Variants in ADAMTS9 observed in about 807,000 individuals in gnomAD.
ADAMTS9 encodes ADAM metallopeptidase with thrombospondin type 1 motif 9.
A neutral mutation model predicts 257.1 loss-of-function variants in ADAMTS9; 107 were observed. That is an observed-to-expected ratio of 0.42 (90% CI 0.36 to 0.49). The LOEUF (loss-of-function observed/expected upper bound fraction) is 0.49, where lower values mean the gene tolerates loss of function less well. ADAMTS9 is among the 20% of genes least tolerant of loss of function. The pLI is 0.03. For synonymous variants in ADAMTS9, 982 were observed against 880.9 expected, an observed-to-expected ratio of 1.11 and a Z score of -2.03; for missense variants, 2,353 against 2,469.1, an observed-to-expected ratio of 0.95 and a Z score of 1.00.
At chr3:64,528,766 C>T (rs965602680) in intron 38 of ADAMTS9, among the ~76,000 whole-genome samples, 1 of 152,146 alleles carries the variant, frequency 6.6e-6, no homozygotes, top group African/African-American at 2.4e-5. Context: ...AGTAGGATAC[C>T]AACAGCTTTA....
intron 30 of ADAMTS9, among the ~76,000 whole-genome samples, chr3:64,551,585 A>C (rs1576008328): frequency 6.6e-6 from 1 of 152,222 alleles, no homozygotes; most frequent in East Asian, 1.9e-4. Flanking sequence ...AAAGGAAGGA[A>C]GGAAAGTATA....
In ADAMTS9 at chr3:64,672,187, A is replaced by T. The variant is rs1012371021; in HGVS notation, c.679+9014T>A. On this transcript the variant is annotated intron_variant, in intron 3 of 39. Coordinates refer to ENST00000498707, the MANE Select transcript of ADAMTS9 (RefSeq NM_182920.2). The stretch of plus-strand genomic sequence containing the variant: ...AGATGTGCGTCTTAGCCAGTTTCAG[A>T]TGGTTCCTATGAAGGTGAACACATT... Among the ~76,000 whole-genome samples, 3 of 152,322 alleles carry T rather than the reference A, an allele frequency of 2.0e-5. No homozygotes were observed. In the East Asian group the frequency reaches 5.8e-4, roughly 29 times the overall value.
intron 19 of ADAMTS9, among the ~76,000 whole-genome samples, chr3:64,618,787 G>A (rs760495257): frequency 1.1e-4 from 16 of 151,970 alleles, no homozygotes; most frequent in Non-Finnish European, 2.2e-4. Flanking sequence ...GTAACTCCAC[G>A]TAAACCAATG....
At chr3:64,609,530 C>T (rs1335700018) in intron 22 of ADAMTS9, among the ~76,000 whole-genome samples, 1 of 151,856 alleles carries the variant, frequency 6.6e-6, no homozygotes, top group Non-Finnish European at 1.5e-5. Context: ...ATTCAATTTA[C>T]AGCAACATCC....
rs536280343 is a variant in ADAMTS9, at chr3:64,573,900, T to C, written c.4357-5365A>G. On this transcript the variant is annotated intron_variant, in intron 28 of 39. Transcript: ENST00000498707. Reference sequence around the variant, plus strand: ...GATTTAGTGATCAAAGTTTCAAACATTGCTCAGTGGAAGGCCTGGAAAACC... The same window carrying C: ...GATTTAGTGATCAAAGTTTCAAACACTGCTCAGTGGAAGGCCTGGAAAACC... Among the ~76,000 whole-genome samples the C allele has an allele frequency of 2.6e-5, 4 of 152,290 alleles. No homozygotes were observed. In the South Asian group the frequency reaches 6.2e-4, roughly 24 times the overall value.
At chr3:64,588,771 A>G (rs1246873863) in intron 28 of ADAMTS9, 3 of 152,234 alleles carry the variant, frequency 2.0e-5, no homozygotes, top group African/African-American at 7.2e-5. Context: ...TCAGTCTTTC[A>G]TAGGCATACA....
intron 38 of ADAMTS9, among the ~76,000 whole-genome samples, chr3:64,526,190 C>T (rs1049470958): frequency 2.0e-5 from 3 of 150,760 alleles, no homozygotes; most frequent in African/African-American, 7.3e-5. Flanking sequence ...ATGTTCCCAC[C>T]TCAAAGAAAA....
At chr3:64,619,133 T>C (rs998962776) in intron 19 of ADAMTS9, among the ~76,000 whole-genome samples, 3 of 152,198 alleles carry the variant, frequency 2.0e-5, no homozygotes, top group African/African-American at 7.2e-5. Flanking sequence ...TTCGCAATGC[T>C]ATGTATAAAT....
At chr3:64,653,154 A>AT (rs1470268457) in intron 8 of ADAMTS9, among the ~76,000 whole-genome samples, 2 of 152,208 alleles carry the variant, frequency 1.3e-5, no homozygotes, top group Non-Finnish European at 2.9e-5. Flanking sequence ...CATTTTGCAG[A>AT]TGAGAAAACT....
chr3:64,645,569 GC>G (rs1700767698), intron 11 of ADAMTS9, among the ~76,000 whole-genome samples: 1 of 152,132 alleles, frequency 6.6e-6, no homozygotes, highest in African/African-American at 2.4e-5. Flanking sequence ...AAGAAACAAA[GC>G]AAAACACTCA....
At chr3:64,677,469 C>A (rs1057465598) in intron 3 of ADAMTS9, among the ~76,000 whole-genome samples, 1 of 152,136 alleles carries the variant, frequency 6.6e-6, no homozygotes, top group Non-Finnish European at 1.5e-5. Context: ...ACAGAAAGCA[C>A]CCTCAGCCTT....
In ADAMTS9 at chr3:64,544,103, C is replaced by G. The variant is rs535872798; in HGVS notation, c.5065-2133G>C. 2.6e-5 allele frequency among the ~76,000 whole-genome samples: 4 copies of G among 152,082 alleles called. No homozygotes were observed. In the East Asian group the frequency reaches 7.7e-4, roughly 29 times the overall value. ...AGGAGAACTACAAACCACTGCTCAA[C>G]GAAATAAAAGAGGACACAAACAAAT... On this transcript the variant is annotated intron_variant, in intron 32 of 39. Transcript: ENST00000498707.
intron 38 of ADAMTS9, among the ~76,000 whole-genome samples, chr3:64,532,866 G>A (rs1033396647): frequency 1.3e-5 from 2 of 152,114 alleles, no homozygotes; most frequent in African/African-American, 2.4e-5. Context: ...CCACACTCTC[G>A]ACAGAGGCTT....
chr3:64,526,376 A>C (rs1376260433), intron 38 of ADAMTS9, among the ~76,000 whole-genome samples: 1 of 152,184 alleles, frequency 6.6e-6, no homozygotes, highest in East Asian at 1.9e-4. Flanking sequence ...AAATAGGATA[A>C]AATAGTTTCT....
chr3:64,631,500 G>T lies in ADAMTS9; in HGVS notation c.2344C>A (p.Arg782=), dbSNP rs1049047605. 9.3e-6 allele frequency: 15 copies of T among 1,613,954 alleles called. No individual in the cohort carries two copies. In the Admixed American group the frequency reaches 1.2e-4, roughly 13 times the overall value. The change falls in exon 16 of 40, where the codon CGG becomes AGG. Residue 782 remains arginine (R), a synonymous_variant. Coordinates refer to ENST00000498707, the MANE Select transcript of ADAMTS9 (RefSeq NM_182920.2). The part of the protein sequence containing the change: ...IPAGATNIDV[R]QHSFSGETDD... Reference sequence around the variant, plus strand: ...GTTTCCCCTGAGAAACTGTGCTGCCGCACATCAATATTGGTAGCACCAGCT... The same window carrying T: ...GTTTCCCCTGAGAAACTGTGCTGCCTCACATCAATATTGGTAGCACCAGCT...
intron 3 of ADAMTS9, among the ~76,000 whole-genome samples, chr3:64,662,765 G>A (rs980174130): frequency 1.3e-5 from 2 of 152,084 alleles, no homozygotes; most frequent in Admixed American, 1.3e-4. Flanking sequence ...TACAGAGACA[G>A]AAAGTAGAGT....
chr3:64,655,008 G>A (rs530995500), intron 6 of ADAMTS9, among the ~76,000 whole-genome samples: 1 of 152,332 alleles, frequency 6.6e-6, no homozygotes, highest in African/African-American at 2.4e-5. Flanking sequence ...GATGGCAGGA[G>A]GTGGGAGGCA....
intron 37 of ADAMTS9, among the ~76,000 whole-genome samples, chr3:64,538,737 C>T (rs1426541417): frequency 1.3e-5 from 2 of 152,118 alleles, no homozygotes; most frequent in African/African-American, 4.8e-5. Context: ...CTTCCTAGCC[C>T]TCCATTTAGT....
intron 30 of ADAMTS9, among the ~76,000 whole-genome samples, chr3:64,559,242 C>T (rs1411669942): frequency 6.6e-6 from 1 of 152,180 alleles, no homozygotes; most frequent in Non-Finnish European, 1.5e-5. Flanking sequence ...TGGGGACATT[C>T]TGAGCAGGCT....
Sources: gnomAD v4.1 joint callset for allele counts (sites outside exome capture counted in the v4.1 genomes callset) on GRCh38, gnomAD v4.1.1 for gene constraint, MANE v1.5 for transcripts, NCBI Gene and HGNC (gene_info 2026-07-23, HGNC 2026-07-21) for gene names.